Variants in RUNX1 observed in about 807,000 individuals in gnomAD.
RUNX1 encodes the protein runt-related transcription factor 1.
RUNX1 carries 19 observed loss-of-function variants against 42.8 expected under a neutral mutation model. The ratio of observed to expected loss-of-function variants is 0.44; its 90% CI spans 0.31 to 0.65. RUNX1 has a LOEUF of 0.65. Ranked by LOEUF, RUNX1 falls within the 30% of genes least tolerant of loss-of-function variation. RUNX1 has a pLI of 0.07. For synonymous variants in RUNX1, 271 were observed against 289.4 expected, an observed-to-expected ratio of 0.94 and a Z score of 0.64; for missense variants, 528 against 672.0, an observed-to-expected ratio of 0.79 and a Z score of 2.37.
intron 2 of RUNX1, among the ~76,000 whole-genome samples, chr21:34,978,576 G>A (rs549041010): frequency 2.0e-5 from 3 of 152,252 alleles, no homozygotes; most frequent in South Asian, 2.1e-4. Flanking sequence ...TTATTGGAAA[G>A]TTTTTGTTTT....
intron 2 of RUNX1, among the ~76,000 whole-genome samples, chr21:34,984,708 G>A (rs1393778425): frequency 6.6e-6 from 1 of 152,164 alleles, no homozygotes; most frequent in Non-Finnish European, 1.5e-5. Context: ...AGGGTTGATG[G>A]AACAGTTCTA....
At chr21:34,877,931 T>C (rs1048251647) in intron 5 of RUNX1, among the ~76,000 whole-genome samples, 1 of 152,148 alleles carries the variant, frequency 6.6e-6, no homozygotes, top group Non-Finnish European at 1.5e-5. Flanking sequence ...AATTCAAAAT[T>C]GGCACTGAAA....
intron 2 of RUNX1, among the ~76,000 whole-genome samples, chr21:34,962,183 G>C (rs1240666458): frequency 6.6e-6 from 1 of 152,184 alleles, no homozygotes; most frequent in Non-Finnish European, 1.5e-5. Context: ...ATGTGCCACT[G>C]TGCCCAGCTG....
intron 7 of RUNX1, among the ~76,000 whole-genome samples, chr21:34,819,689 G>C (rs575436304): frequency 2.5e-4 from 38 of 152,348 alleles, no homozygotes; most frequent in African/African-American, 8.9e-4. Context: ...CGTGTACTCT[G>C]TTGGGAGCAA....
intron 3 of RUNX1, chr21:34,888,717 CTTTT>C: frequency 1.9e-6 from 2 of 1,029,200 alleles, no homozygotes; most frequent in Non-Finnish European, 2.3e-6. Flanking sequence ...AATGAACGTG[CTTTT>C]ACTGTAAGCC....
At chr21:34,866,875 A>G (rs2146279819) in intron 5 of RUNX1, among the ~76,000 whole-genome samples, 1 of 152,336 alleles carries the variant, frequency 6.6e-6, no homozygotes, top group Non-Finnish European at 1.5e-5. Context: ...GACTACCCTC[A>G]AAAGTCAGAC....
At chr21:35,002,895 A>G (rs908106325) in intron 2 of RUNX1, among the ~76,000 whole-genome samples, 18 of 152,214 alleles carry the variant, frequency 1.2e-4, no homozygotes, top group African/African-American at 4.3e-4. Flanking sequence ...ATGTATGAGA[A>G]AAACCAATAC....
chr21:35,012,252 G>A (rs189083734), intron 2 of RUNX1, among the ~76,000 whole-genome samples: 5 of 152,208 alleles, frequency 3.3e-5, no homozygotes, highest in Admixed American at 2.0e-4. Context: ...AAATTTCCAA[G>A]ACCTTCCTGT....
chr21:34,965,767 T>C (rs1216443513), intron 2 of RUNX1, among the ~76,000 whole-genome samples: 4 of 152,184 alleles, frequency 2.6e-5, no homozygotes, highest in African/African-American at 9.7e-5. Context: ...TGAAGCTGGA[T>C]GCTCTGAAAT....
At chr21:34,948,554 T>G (rs1436795730) in intron 2 of RUNX1, among the ~76,000 whole-genome samples, 1 of 151,988 alleles carries the variant, frequency 6.6e-6, no homozygotes, top group African/African-American at 2.4e-5. Context: ...TCTGGGGCTG[T>G]GAGAATGTGG....
chr21:34,878,344 TAAAAA>T (rs58465528), intron 5 of RUNX1, among the ~76,000 whole-genome samples: 1 of 122,854 alleles, frequency 8.1e-6, no homozygotes, highest in Non-Finnish European at 1.8e-5. Context: ...TAGCGCTGAC[TAAAAA>T]AAAAAAAAAA....
intron 5 of RUNX1, among the ~76,000 whole-genome samples, chr21:34,861,279 C>T (rs981883594): frequency 1.3e-5 from 2 of 152,134 alleles, no homozygotes; most frequent in African/African-American, 4.8e-5. Flanking sequence ...TGGCCAGGCC[C>T]AGCAAGCAGG....
intron 5 of RUNX1, among the ~76,000 whole-genome samples, chr21:34,874,706 C>T (rs1399797933): frequency 6.9e-6 from 1 of 145,652 alleles, no homozygotes; most frequent in Non-Finnish European, 1.5e-5. Context: ...AAACCAGAAA[C>T]ACAGAATATG....
At chr21:34,889,605 G>C (rs930019473) in intron 3 of RUNX1, 31 of 1,008,310 alleles carry the variant, frequency 3.1e-5, no homozygotes, top group South Asian at 5.5e-5. Context: ...TCTCCCCTCC[G>C]GCTCCCCGGA....
chr21:34,884,602 G>C (rs1411208248), intron 4 of RUNX1, among the ~76,000 whole-genome samples: 2 of 152,216 alleles, frequency 1.3e-5, no homozygotes, highest in Non-Finnish European at 2.9e-5. Context: ...AGCCCGGGAT[G>C]TAGGCAGGTT....
At chr21:34,878,291 T>A (rs1247837459) in intron 5 of RUNX1, among the ~76,000 whole-genome samples, 2 of 149,828 alleles carry the variant, frequency 1.3e-5, no homozygotes, top group East Asian at 1.9e-4. Flanking sequence ...AAAGAAATTA[T>A]GACAGAGTCA....
intron 5 of RUNX1, among the ~76,000 whole-genome samples, chr21:34,868,586 G>T (rs767224281): frequency 6.6e-5 from 10 of 152,160 alleles, no homozygotes; most frequent in Non-Finnish European, 7.3e-5. Flanking sequence ...GCCTCCACCG[G>T]GTTAGTCTCC....
rs776929941 is a variant in RUNX1, at chr21:34,887,013, G to A, written c.181C>T (p.Pro61Ser). 3 of 1,602,612 alleles carry A rather than the reference G, an allele frequency of 1.9e-6. No homozygotes were observed. The highest frequency in any genetic ancestry group is 1.7e-6 in the Non-Finnish European group (2 of 1,178,048). The change falls in exon 4 of 9, where the codon CCG (proline) becomes TCG (serine). Residue 61 changes from proline (P) to serine (S), a missense_variant. Transcript: ENST00000675419. ...KMSEALPLGA[P>S]DAGAALAGKL... Reference sequence around the variant, plus strand: ...CCGGCCAGGGCAGCGCCGGCGTCCGGGGCGCCCAGCGGCAACGCCTCGCTC... The same window carrying A: ...CCGGCCAGGGCAGCGCCGGCGTCCGAGGCGCCCAGCGGCAACGCCTCGCTC...
chr21:34,863,191 C>T (rs554118056), intron 5 of RUNX1, among the ~76,000 whole-genome samples: 1 of 152,320 alleles, frequency 6.6e-6, no homozygotes, highest in African/African-American at 2.4e-5. Context: ...ACTCATATCC[C>T]TGAGCTTTCT....
Sources: gnomAD v4.1 joint callset for allele counts (sites outside exome capture counted in the v4.1 genomes callset) on GRCh38, gnomAD v4.1.1 for gene constraint, MANE v1.5 for transcripts, NCBI Gene and HGNC (gene_info 2026-07-23, HGNC 2026-07-21) for gene names.